UNC13C: variants seen among roughly 807,000 people sequenced by gnomAD.
UNC13C encodes the protein unc-13 homolog C.
Under a neutral mutation model 245.4 loss-of-function variants are expected in UNC13C, and 174 were observed. The ratio of observed to expected loss-of-function variants is 0.71; its 90% CI spans 0.63 to 0.80. The LOEUF is 0.80. UNC13C is among the 30% of genes least tolerant of loss of function. The probability of loss-of-function intolerance (pLI) is 0.00; values close to 1 mark genes in which losing one functional copy is unlikely to be tolerated. For synonymous variants in UNC13C, 992 were observed against 895.1 expected, an observed-to-expected ratio of 1.11 and a Z score of -1.93; for missense variants, 2,829 against 2,602.9, an observed-to-expected ratio of 1.09 and a Z score of -1.89.
In UNC13C at chr15:54,067,256, C is replaced by T. The variant is rs536010846; in HGVS notation, c.2983+51370C>T. 5.7e-4 allele frequency among the ~76,000 whole-genome samples: 86 copies of T among 152,142 alleles called. 1 individual carries two copies. Among genetic ancestry groups the T allele is most frequent in the African/African-American group, 2.1e-3 (86 of 41,514 alleles). ...ATAAACATCATCAAATATTTAAATC[C>T]ACGCCATATTTAAAATGTCTTTTAA... is the stretch of plus-strand genomic sequence containing the variant. On this transcript the variant is annotated intron_variant, in intron 2 of 32. Coordinates refer to ENST00000260323, the MANE Select transcript of UNC13C (RefSeq NM_001080534.3).
intron 2 of UNC13C, among the ~76,000 whole-genome samples, chr15:54,059,333 G>A (rs1159137680): frequency 6.6e-6 from 1 of 152,026 alleles, no homozygotes; most frequent in Non-Finnish European, 1.5e-5. Flanking sequence ...GACAAACAGA[G>A]AGCCAAATCA....
At chr15:54,414,541 G>A (rs1268105413) in intron 18 of UNC13C, among the ~76,000 whole-genome samples, 1 of 152,112 alleles carries the variant, frequency 6.6e-6, no homozygotes, top group Non-Finnish European at 1.5e-5. Flanking sequence ...CAGCTACTTG[G>A]GAGGCTGAGG....
intron 2 of UNC13C, among the ~76,000 whole-genome samples, chr15:54,042,655 C>A (rs1173745980): frequency 6.6e-6 from 1 of 152,062 alleles, no homozygotes; most frequent in East Asian, 1.9e-4. Flanking sequence ...AGATCGAGAC[C>A]ATCCTGGCTA....
chr15:54,514,519 C>T (rs1357087534), intron 24 of UNC13C, among the ~76,000 whole-genome samples: 1 of 152,210 alleles, frequency 6.6e-6, no homozygotes, highest in Non-Finnish European at 1.5e-5. Flanking sequence ...CAAATAATTG[C>T]TTGTGCACTT....
At chr15:54,471,120 C>T (rs1892439439) in intron 19 of UNC13C, among the ~76,000 whole-genome samples, 1 of 151,310 alleles carries the variant, frequency 6.6e-6, no homozygotes, top group Admixed American at 6.6e-5. Context: ...TTTTTGTGGC[C>T]TAATATTTGA....
At chr15:54,526,600 C>T (rs1234591174) in intron 25 of UNC13C, among the ~76,000 whole-genome samples, 3 of 151,870 alleles carry the variant, frequency 2.0e-5, no homozygotes, top group Non-Finnish European at 2.9e-5. Flanking sequence ...AAAAAGTAGC[C>T]GGGCGTGGTG....
chr15:54,350,114 C>A (rs1308729179), intron 17 of UNC13C, among the ~76,000 whole-genome samples: 2 of 152,076 alleles, frequency 1.3e-5, no homozygotes, highest in Admixed American at 1.3e-4. Context: ...GTCTCAGCCT[C>A]CCAAGTAACT....
the UNC13C span, among the ~76,000 whole-genome samples, chr15:53,880,201 T>C: frequency 2.6e-5 from 4 of 152,116 alleles, no homozygotes; most frequent in African/African-American, 9.7e-5. Context: ...TAGTGCTATT[T>C]TTGCTACAGT....
At chr15:54,090,936 A>C (rs1899535032) in intron 2 of UNC13C, among the ~76,000 whole-genome samples, 1 of 152,054 alleles carries the variant, frequency 6.6e-6, no homozygotes, top group South Asian at 2.1e-4. Context: ...GAGAAGGACT[A>C]AGAAGAATTT....
intron 32 of UNC13C, among the ~76,000 whole-genome samples, chr15:54,625,803 A>G (rs549057234): frequency 6.6e-6 from 1 of 152,296 alleles, no homozygotes; most frequent in East Asian, 1.9e-4. Flanking sequence ...ATCTACTTCA[A>G]CTTACTCAAA....
At chr15:54,078,125 A>T (rs989401524) in intron 2 of UNC13C, among the ~76,000 whole-genome samples, 1 of 152,130 alleles carries the variant, frequency 6.6e-6, no homozygotes, top group Non-Finnish European at 1.5e-5. Context: ...AGCTCCATCC[A>T]TGTTGCTGTA....
chr15:54,315,487 G>C (rs905955044), intron 13 of UNC13C, among the ~76,000 whole-genome samples: 10 of 151,252 alleles, frequency 6.6e-5, no homozygotes, highest in East Asian at 2.0e-4. Context: ...CTCAATTATA[G>C]AATTTACTTT....
At chr15:53,963,484 G>A in the UNC13C span, among the ~76,000 whole-genome samples, 6 of 152,040 alleles carry the variant, frequency 3.9e-5, no homozygotes, top group African/African-American at 1.2e-4. Flanking sequence ...AGATGAAAAG[G>A]GTACCTGCCT....
At chr15:54,166,279 T>C (rs2033159190) in intron 4 of UNC13C, among the ~76,000 whole-genome samples, 1 of 152,096 alleles carries the variant, frequency 6.6e-6, no homozygotes, top group South Asian at 2.1e-4. Context: ...AACATTCGTA[T>C]ATTTAGCCTG....
chr15:54,065,478 A>G (rs1259962341), intron 2 of UNC13C, among the ~76,000 whole-genome samples: 5 of 152,160 alleles, frequency 3.3e-5, no homozygotes, highest in Admixed American at 1.3e-4. Flanking sequence ...CCTTTCTTTG[A>G]TATCTGGTTT....
At chr15:54,632,214 A>T (rs1425199371), downstream of UNC13C, 1 of 152,206 alleles carries the variant, frequency 6.6e-6, no homozygotes, top group African/African-American at 2.4e-5. Context: ...ACATATTTTC[A>T]TATTCCATAT....
chr15:53,934,245 A>C, the UNC13C span, among the ~76,000 whole-genome samples: 2 of 152,076 alleles, frequency 1.3e-5, no homozygotes, highest in African/African-American at 2.4e-5. Context: ...CAAGACCCCA[A>C]CTCCAACAAT....
At chr15:54,566,092 T>A (rs1897500442) in intron 29 of UNC13C, among the ~76,000 whole-genome samples, 2 of 151,974 alleles carry the variant, frequency 1.3e-5, no homozygotes, top group African/African-American at 4.8e-5. Context: ...GCTCAGTTTC[T>A]AGCATTGCTC....
chr15:54,277,036 G>A (rs759765606), intron 10 of UNC13C, among the ~76,000 whole-genome samples: 1 of 151,832 alleles, frequency 6.6e-6, no homozygotes, highest in Non-Finnish European at 1.5e-5. Flanking sequence ...TTGCACTATT[G>A]CTTCACTCTT....
Sources: gnomAD v4.1 joint callset for allele counts (sites outside exome capture counted in the v4.1 genomes callset) on GRCh38, gnomAD v4.1.1 for gene constraint, MANE v1.5 for transcripts, NCBI Gene and HGNC (gene_info 2026-07-23, HGNC 2026-07-21) for gene names.